The following MAPK4 variants were observed in gnomAD, a reference collection of about 807,000 sequenced individuals.
MAPK4 encodes mitogen-activated protein kinase 4, also known as Erk3-related.
A neutral mutation model predicts 47.7 loss-of-function variants in MAPK4; 22 were observed. The observed-to-expected ratio is 0.46, with a 90% CI of 0.33 to 0.66. The LOEUF is 0.66. Among genes scored for constraint, MAPK4 ranks in the 30% least tolerant of loss-of-function variants. The pLI is 0.02. For missense variants in MAPK4, 736 were observed against 831.7 expected, an observed-to-expected ratio of 0.88 and a Z score of 1.42; for synonymous variants, 390 against 365.7, an observed-to-expected ratio of 1.07 and a Z score of -0.76.
At chr18:50,601,871 C>T (rs1183162110) in intron 1 of MAPK4, among the ~76,000 whole-genome samples, 2 of 152,194 alleles carry the variant, frequency 1.3e-5, no homozygotes, top group Admixed American at 6.5e-5. Flanking sequence ...CGTGGCAGCT[C>T]ATTGCAAGGG....
At chr18:50,566,153 A>C (rs912208779) in intron 1 of MAPK4, among the ~76,000 whole-genome samples, 27 of 152,252 alleles carry the variant, frequency 1.8e-4, no homozygotes, top group Non-Finnish European at 3.7e-4. Context: ...AAAAATTAAA[A>C]ATAAGAAATA....
intron 1 of MAPK4, among the ~76,000 whole-genome samples, chr18:50,579,698 A>C (rs2149362099): frequency 6.6e-6 from 1 of 152,270 alleles, no homozygotes; most frequent in South Asian, 2.1e-4. Context: ...TACCCAGGGA[A>C]GTCTCCCAGG....
rs36001271 is a variant in MAPK4, at chr18:50,702,161, CAAAAA to C, written c.547-12900_547-12896del. On this transcript the variant is annotated intron_variant, in intron 2 of 5. Transcript: ENST00000400384. ...TGGGTGATGGAGAGAGATTCTGTCT[CAAAAA>C]AAAAAAAAAAAAAAAAATCAACCAT... 8.7e-3 allele frequency among the ~76,000 whole-genome samples: 830 copies of C among 95,928 alleles called. 12 individuals carry two copies. Among genetic ancestry groups the C allele is most frequent in the African/African-American group, 0.034 (793 of 23,320 alleles). 62.9% of individuals were successfully genotyped at this position (95,928 alleles called of 152,430 possible). A position where few individuals can be genotyped will look rare whatever the true frequency, so the allele number is the denominator to read the frequency against.
Position 50,664,628 on chromosome 18 carries a change from TG to T in MAPK4, c.546+126del. On this transcript the variant is annotated intron_variant, in intron 2 of 5. Coordinates refer to ENST00000400384, the MANE Select transcript of MAPK4 (RefSeq NM_002747.4). The surrounding 1 kb of genome is among the most constrained non-coding windows in gnomAD (Gnocchi z 6.0). ...ACTAGAGTTAGTAATTAGGGGAGGCTGGAGGGTGCTAGGAAGATCACTAGCC... is the reference window on the plus strand; with the variant it reads ...ACTAGAGTTAGTAATTAGGGGAGGCTGAGGGTGCTAGGAAGATCACTAGCC... The T allele has an allele frequency of 9.1e-7, 1 of 1,101,118 alleles. No individual in the cohort carries two copies. Among genetic ancestry groups the T allele is most frequent in the Non-Finnish European group, 1.3e-6 (1 of 781,346 alleles). The allele number at this position is 1,101,118 out of a possible 1,614,324, so 68.2% of individuals were successfully genotyped here. A position where few individuals can be genotyped will look rare whatever the true frequency, so the allele number is the denominator to read the frequency against.
chr18:50,637,595 G>T (rs993138921), intron 1 of MAPK4, among the ~76,000 whole-genome samples: 1 of 152,228 alleles, frequency 6.6e-6, no homozygotes, highest in Non-Finnish European at 1.5e-5. Context: ...TTCCCCATAC[G>T]TAAAATAGGA....
At chr18:50,713,606 G>A (rs1188704214) in intron 2 of MAPK4, among the ~76,000 whole-genome samples, 2 of 152,378 alleles carry the variant, frequency 1.3e-5, no homozygotes, top group South Asian at 2.1e-4. Context: ...CATGAGGGGC[G>A]CACAGTCTAG....
At chr18:50,690,486 C>T (rs1372119847) in intron 2 of MAPK4, among the ~76,000 whole-genome samples, 4 of 152,170 alleles carry the variant, frequency 2.6e-5, no homozygotes, top group East Asian at 1.9e-4. Flanking sequence ...AGAACAAAAA[C>T]GTAAAGAGCT....
Position 50,664,608 on chromosome 18 carries a change from A to C in MAPK4, c.546+104A>C. 4 of 1,305,204 alleles carry C rather than the reference A, an allele frequency of 3.1e-6. No individual in the cohort carries two copies. The highest frequency in any genetic ancestry group is 3.1e-6 in the Non-Finnish European group (3 of 954,212). The allele number at this position is 1,305,204 out of a possible 1,614,324, so 80.9% of individuals were successfully genotyped here. On this transcript the variant is annotated intron_variant, in intron 2 of 5. Transcript: ENST00000400384. The surrounding 1 kb of genome is among the most constrained non-coding windows in gnomAD (Gnocchi z 6.0). ...AGCTCCATGGTAGTCAGAGGACTAG[A>C]GTTAGTAATTAGGGGAGGCTGGAGG...
intron 1 of MAPK4, among the ~76,000 whole-genome samples, chr18:50,576,058 T>G (rs1450371683): frequency 2.0e-5 from 3 of 152,160 alleles, no homozygotes; most frequent in African/African-American, 7.2e-5. Context: ...TTAAATTAGT[T>G]CAGCCATTGT....
rs371041289 is a variant in MAPK4, at chr18:50,729,433, C to T, written c.1343C>T (p.Pro448Leu). Residue 448 changes from proline (P) to leucine (L), a missense_variant, in exon 6 of 6, where the codon CCG becomes CTG. Physicochemically the swap from Pro to Leu is moderately conservative, Grantham distance 98. Around this residue, in one of 3 missense-constraint regions of MAPK4, gnomAD observed 377 missense variants for 378.6 expected, o/e 1.00. Transcript: ENST00000400384. ...LDKLLWRDNK[P>L]HHYSEPKLIL... ...AAGCTGCTGTGGCGCGACAACAAGC[C>T]GCACCACTACTCGGAGCCCAAGCTC... 2.5e-5 allele frequency: 39 copies of T among 1,543,716 alleles called. No homozygotes were observed. Among genetic ancestry groups the T allele is most frequent in the Non-Finnish European group, 3.2e-5 (37 of 1,143,250 alleles).
chr18:50,690,757 C>T (rs746416553), intron 2 of MAPK4, among the ~76,000 whole-genome samples: 12 of 152,264 alleles, frequency 7.9e-5, no homozygotes, highest in Admixed American at 2.0e-4. Flanking sequence ...AATTGAGGAA[C>T]GACATTCACT....
chr18:50,586,601 A>C (rs1200083929), intron 1 of MAPK4, among the ~76,000 whole-genome samples: 1 of 152,044 alleles, frequency 6.6e-6, no homozygotes, highest in Non-Finnish European at 1.5e-5. Context: ...TAATGATATA[A>C]CTTTTATGAG....
At chr18:50,631,372 G>A (rs1293853053) in intron 1 of MAPK4, among the ~76,000 whole-genome samples, 1 of 152,128 alleles carries the variant, frequency 6.6e-6, no homozygotes, top group East Asian at 1.9e-4. Context: ...TGAGTTCAAT[G>A]TTAACGAATC....
At chr18:50,567,829 A>T (rs545489150) in intron 1 of MAPK4, among the ~76,000 whole-genome samples, 2 of 150,262 alleles carry the variant, frequency 1.3e-5, no homozygotes, top group African/African-American at 2.5e-5. Context: ...GTTTTTTTAA[A>T]AAAAAAAAAT....
intron 2 of MAPK4, among the ~76,000 whole-genome samples, chr18:50,712,758 A>G (rs1910444168): frequency 6.6e-6 from 1 of 152,206 alleles, no homozygotes; most frequent in South Asian, 2.1e-4. Context: ...TCTGTTTCAT[A>G]AAAGACTGTG....
chr18:50,567,826 T>TA (rs561594105), intron 1 of MAPK4, among the ~76,000 whole-genome samples: 145 of 146,570 alleles, frequency 9.9e-4, no homozygotes, highest in Middle Eastern at 3.5e-3. Flanking sequence ...AGTGTTTTTT[T>TA]AAAAAAAAAA....
At chr18:50,590,555 C>A (rs781461206) in intron 1 of MAPK4, among the ~76,000 whole-genome samples, 17 of 152,180 alleles carry the variant, frequency 1.1e-4, no homozygotes, top group Non-Finnish European at 2.4e-4. Flanking sequence ...TAATGAGGAA[C>A]CTTTCTCAAT....
At chr18:50,594,341 G>A (rs1425625433) in intron 1 of MAPK4, among the ~76,000 whole-genome samples, 3 of 152,064 alleles carry the variant, frequency 2.0e-5, no homozygotes, top group Admixed American at 6.5e-5. Context: ...TCTAGGCATC[G>A]TTCAATCAAG....
intron 1 of MAPK4, among the ~76,000 whole-genome samples, chr18:50,657,873 G>A (rs1464010806): frequency 6.6e-6 from 1 of 152,134 alleles, no homozygotes; most frequent in Non-Finnish European, 1.5e-5. Flanking sequence ...GGTAGGCTCA[G>A]CTGCCTGATG....
Sources: allele counts gnomAD v4.1 joint callset (sites outside exome capture counted in the v4.1 genomes callset), GRCh38; gene constraint gnomAD v4.1.1; regional missense constraint gnomAD v4.1.1; non-coding constraint Gnocchi (gnomAD v3.1); transcripts MANE v1.5; gene names NCBI Gene and HGNC (gene_info 2026-07-23, HGNC 2026-07-21).